Variants in PXDNL observed in about 807,000 individuals in gnomAD.
PXDNL encodes the protein peroxidasin like, also known as probable oxidoreductase PXDNL.
A neutral mutation model predicts 150.8 loss-of-function variants in PXDNL; 145 were observed. The ratio of observed to expected loss-of-function variants is 0.96; its 90% confidence interval spans 0.84 to 1.10. The LOEUF is 1.10. Ranked by LOEUF, PXDNL falls within the 50% of genes least tolerant of loss-of-function variation. The pLI is 0.00. For synonymous variants in PXDNL, 757 were observed against 725.7 expected (o/e 1.04, Z -0.69); for missense variants, 2,087 against 1,873.9 (o/e 1.11, Z -2.10).
At chr8:51,413,101 A>C (rs372806886) in intron 15 of PXDNL, 49 bp downstream of exon 15, 16 of 1,144,428 alleles carry the variant, frequency 1.4e-5, no homozygotes, top group Non-Finnish European at 2.1e-5. Context: ...AAAACTAAGT[A>C]GAACAGAAAT....
chr8:51,406,885 G>A (rs1211364699), intron 17 of PXDNL, among the ~76,000 whole-genome samples: 1 of 152,158 alleles, frequency 6.6e-6, no homozygotes, highest in African/African-American at 2.4e-5. Context: ...GTGCAATATC[G>A]TAATGTCCCT....
At chr8:51,803,425 T>A (rs1469297057) in intron 1 of PXDNL, among the ~76,000 whole-genome samples, 1 of 152,056 alleles carries the variant, frequency 6.6e-6, no homozygotes, top group Non-Finnish European at 1.5e-5. Flanking sequence ...CAGACCAACA[T>A]AAACAACAAA....
chr8:51,368,263 A>C (rs1302730203), intron 19 of PXDNL, among the ~76,000 whole-genome samples: 3 of 152,238 alleles, frequency 2.0e-5, no homozygotes, highest in African/African-American at 7.2e-5. Flanking sequence ...ATACAAACCC[A>C]TAGCCTTACA....
chr8:51,724,760 C>T (rs1448830611), intron 1 of PXDNL, among the ~76,000 whole-genome samples: 1 of 152,154 alleles, frequency 6.6e-6, no homozygotes, highest in Non-Finnish European at 1.5e-5. Flanking sequence ...AAGCTCTCAG[C>T]TCCCTGTCCA....
intron 2 of PXDNL, among the ~76,000 whole-genome samples, chr8:51,599,385 C>T (rs1813643930): frequency 6.6e-6 from 1 of 151,856 alleles, no homozygotes; most frequent in African/African-American, 2.4e-5. Context: ...TCTCAACTTT[C>T]CTCTTAACAT....
At chr8:51,544,552 C>A (rs59974187) in intron 4 of PXDNL, among the ~76,000 whole-genome samples, 1 of 152,076 alleles carries the variant, frequency 6.6e-6, no homozygotes, top group Non-Finnish European at 1.5e-5. Flanking sequence ...AGAAAATAAC[C>A]TAATGCAACA....
intron 21 of PXDNL, among the ~76,000 whole-genome samples, chr8:51,323,070 G>A (rs1430188965): frequency 6.6e-6 from 1 of 151,910 alleles, no homozygotes; most frequent in African/African-American, 2.4e-5. Flanking sequence ...TGGGGTCATG[G>A]GTTTGAAGTA....
intron 4 of PXDNL, among the ~76,000 whole-genome samples, chr8:51,516,030 CAT>C (rs1325271327): frequency 6.6e-6 from 1 of 152,102 alleles, no homozygotes; most frequent in Admixed American, 6.5e-5. Flanking sequence ...TATAAGAAGA[CAT>C]ATTTTCAATA....
At chr8:51,578,039 AAGGAAGGAAG>A (rs1286910789) in intron 3 of PXDNL, among the ~76,000 whole-genome samples, 4 of 136,554 alleles carry the variant, frequency 2.9e-5, no homozygotes, top group African/African-American at 1.3e-4. Flanking sequence ...GGAAGGAAGG[AAGGAAGGAAG>A]GAAAGAAAGA....
intron 12 of PXDNL, among the ~76,000 whole-genome samples, chr8:51,434,473 G>A (rs1157212691): frequency 6.6e-6 from 1 of 152,098 alleles, no homozygotes; most frequent in African/African-American, 2.4e-5. Flanking sequence ...CTTTAGATGA[G>A]GAGCATCTTT....
At chr8:51,441,009 C>A (rs752499888) in intron 12 of PXDNL, among the ~76,000 whole-genome samples, 1 of 152,176 alleles carries the variant, frequency 6.6e-6, no homozygotes, top group Non-Finnish European at 1.5e-5. Context: ...GGTTCTGTGT[C>A]CCCACCCACA....
intron 12 of PXDNL, among the ~76,000 whole-genome samples, chr8:51,437,238 T>C (rs1489947837): frequency 6.6e-6 from 1 of 152,042 alleles, no homozygotes; most frequent in African/African-American, 2.4e-5. Flanking sequence ...CTAGAATTCA[T>C]AGCTGAATTC....
intron 1 of PXDNL, among the ~76,000 whole-genome samples, chr8:51,726,978 A>G (rs1343054173): frequency 6.6e-6 from 1 of 152,208 alleles, no homozygotes; most frequent in Non-Finnish European, 1.5e-5. Flanking sequence ...TTCATAAATG[A>G]CAGAACAATC....
intron 4 of PXDNL, among the ~76,000 whole-genome samples, chr8:51,549,489 G>C (rs1446746762): frequency 2.6e-5 from 4 of 152,036 alleles, no homozygotes; most frequent in Admixed American, 2.6e-4. Flanking sequence ...TATTCTCTCA[G>C]ATCACAGGTG....
chr8:51,569,846 G>A (rs771025141), intron 3 of PXDNL, among the ~76,000 whole-genome samples: 2 of 151,810 alleles, frequency 1.3e-5, no homozygotes, highest in Non-Finnish European at 2.9e-5. Flanking sequence ...AGATACACGG[G>A]CATGAAAATC....
At chr8:51,567,649 T>G (rs1466988822) in intron 3 of PXDNL, among the ~76,000 whole-genome samples, 1 of 151,798 alleles carries the variant, frequency 6.6e-6, no homozygotes, top group African/African-American at 2.4e-5. Context: ...TTTTAATCTA[T>G]CTATAATTGA....
chr8:51,652,378 ATCTCTC>A (rs10560519), intron 2 of PXDNL, among the ~76,000 whole-genome samples: 61 of 141,654 alleles, frequency 4.3e-4, no homozygotes, highest in East Asian at 1.5e-3. Flanking sequence ...CTAGACAGAA[ATCTCTC>A]TCTCTCTCTC....
chr8:51,472,498 A>G (rs1485024849), intron 7 of PXDNL, among the ~76,000 whole-genome samples, 194 bp from the exon 8 acceptor site: 1 of 152,224 alleles, frequency 6.6e-6, no homozygotes, highest in Non-Finnish European at 1.5e-5. Flanking sequence ...AGAAGTTTGA[A>G]AAATTCACTG....
At chr8:51,602,395 T>A (rs988241081) in intron 2 of PXDNL, among the ~76,000 whole-genome samples, 7 of 152,030 alleles carry the variant, frequency 4.6e-5, no homozygotes, top group South Asian at 2.1e-4. Flanking sequence ...TCCTTTTTTT[T>A]AAATCAGATT....
Sources: allele counts gnomAD v4.1 joint callset (sites outside exome capture counted in the v4.1 genomes callset), GRCh38; gene constraint gnomAD v4.1.1; transcripts MANE v1.5; gene names NCBI Gene and HGNC (gene_info 2026-07-23, HGNC 2026-07-21).